The following CCNB3 variants were observed in gnomAD, a reference collection of about 807,000 sequenced individuals.
CCNB3 encodes cyclin B3, also known as G2/mitotic-specific cyclin-B3.
Under a neutral mutation model 68.0 loss-of-function variants are expected in CCNB3, and 12 were observed. The observed-to-expected ratio is 0.18, with a 90% confidence interval of 0.11 to 0.29. The LOEUF (loss-of-function observed/expected upper bound fraction) is 0.29. Among genes scored for constraint, CCNB3 ranks in the 10% least tolerant of loss-of-function variants. The pLI is 1.00. For synonymous variants in CCNB3, 354 were observed against 388.9 expected (o/e 0.91, Z 1.06); for missense variants, 904 against 993.1 (o/e 0.91, Z 1.21).
intron 8 of CCNB3, among the ~76,000 whole-genome samples, chrX:50,329,239 G>C (rs1261879601): frequency 1.8e-5 from 2 of 111,696 alleles, no homozygotes; most frequent in African/African-American, 6.5e-5. Context: ...CTCCAGAGTG[G>C]GGACTCTAGT....
chrX:50,293,625 G>A (rs1936390541), intron 4 of CCNB3, among the ~76,000 whole-genome samples: 1 of 111,181 alleles, frequency 9.0e-6, no homozygotes, highest in African/African-American at 3.3e-5. Context: ...TGAGAACCCT[G>A]GCTCCCAAGA....
At chrX:50,311,609 G>A (rs1411352048) in intron 6 of CCNB3, 113 bp downstream of exon 6, 3 of 572,427 alleles carry the variant, frequency 5.2e-6, no homozygotes, top group East Asian at 7.2e-5. Flanking sequence ...TGTTGTTGTT[G>A]TTTTTTTGCC....
chrX:50,294,934 G>A lies in CCNB3; in HGVS notation c.276G>A (p.Lys92=). The A allele has an allele frequency of 1.7e-6, 2 of 1,209,611 alleles. No homozygotes were observed. The highest frequency in any genetic ancestry group is 2.3e-4 in the Middle Eastern group (1 of 4,346). ...NKEFVKVVSK[K]INRNTHALGL... ...AGTTTGTAAAAGTTGTTTCCAAGAAGATAAACAGGAACACACATGCTCTTG... is the reference window on the plus strand; with the variant it reads ...AGTTTGTAAAAGTTGTTTCCAAGAAAATAAACAGGAACACACATGCTCTTG... Residue 92 remains lysine (K), a synonymous_variant, in exon 5 of 13, where the codon AAG becomes AAA. Transcript: ENST00000376042.
At chrX:50,224,050 TTTG>T (rs1334353778) in intron 1 of CCNB3, among the ~76,000 whole-genome samples, 3 of 111,616 alleles carry the variant, frequency 2.7e-5, no homozygotes, top group Non-Finnish European at 5.6e-5. Flanking sequence ...CATTTGCCAG[TTTG>T]TTGTTAGGTT....
intron 5 of CCNB3, among the ~76,000 whole-genome samples, chrX:50,299,147 A>G (rs1936561283): frequency 9.0e-6 from 1 of 110,852 alleles, no homozygotes. Context: ...TTCTGCTCTG[A>G]TCTTGGTTGT....
intron 1 of CCNB3, among the ~76,000 whole-genome samples, chrX:50,214,755 C>A (rs1935542829): frequency 9.8e-6 from 1 of 101,991 alleles, no homozygotes; most frequent in Non-Finnish European, 2.0e-5. Context: ...ACAGAATGTC[C>A]CTACGTTGCT....
At chrX:50,338,540 G>A (rs910615649) in intron 8 of CCNB3, among the ~76,000 whole-genome samples, 11 of 111,990 alleles carry the variant, frequency 9.8e-5, no homozygotes, top group African/African-American at 3.6e-4. Context: ...TCCATACAAT[G>A]TCTGGTATCT....
At chrX:50,214,184 A>G (rs1935525570) in intron 1 of CCNB3, among the ~76,000 whole-genome samples, 1 of 109,303 alleles carries the variant, frequency 9.1e-6, no homozygotes, top group African/African-American at 3.3e-5. Flanking sequence ...TGATATTGCT[A>G]ATTTGTGTCT....
intron 8 of CCNB3, among the ~76,000 whole-genome samples, chrX:50,341,055 C>T (rs894324648): frequency 6.5e-4 from 73 of 111,691 alleles, no homozygotes; most frequent in Non-Finnish European, 1.1e-3. Flanking sequence ...ATCAGCCAGG[C>T]GTGGTGGCTC....
At position 50,310,079 on chromosome X, in the gene CCNB3, A is replaced by C; in HGVS notation, c.1910A>C (p.Gln637Pro). 1 of 1,210,957 alleles carries C rather than the reference A, an allele frequency of 8.3e-7. No individual in the cohort carries two copies. The change falls in exon 6 of 13, where the codon CAG (glutamine) becomes CCG (proline). Residue 637 changes from glutamine to proline, a missense_variant. Physicochemically the swap from Gln to Pro is moderately conservative, Grantham distance 76. Transcript: ENST00000376042. ...ACAACGGAAGAAAAGTTCCTCTCCC[A>C]GGAACCATCTGCATTGAAAGAGAAG... ...KSTTEEKFLS[Q>P]EPSALKEKHT...
chrX:50,317,321 C>G (rs181447135), intron 8 of CCNB3, among the ~76,000 whole-genome samples: 1 of 111,362 alleles, frequency 9.0e-6, no homozygotes, highest in Admixed American at 9.6e-5. Flanking sequence ...GATACAAATC[C>G]TTTGTTGGAT....
At chrX:50,293,666 C>G (rs1936391168) in intron 4 of CCNB3, among the ~76,000 whole-genome samples, 1 of 111,461 alleles carries the variant, frequency 9.0e-6, no homozygotes, top group Non-Finnish European at 1.9e-5. Flanking sequence ...TACTGTAATA[C>G]AGCTAAAAGA....
chrX:50,220,547 T>C (rs1935651812), intron 1 of CCNB3, among the ~76,000 whole-genome samples: 1 of 112,099 alleles, frequency 8.9e-6, no homozygotes. Flanking sequence ...TGTCATTGGT[T>C]CTGTTTATGT....
chrX:50,295,153 A>G (rs1936429107), intron 5 of CCNB3, among the ~76,000 whole-genome samples, 160 bp downstream of exon 5: 1 of 111,735 alleles, frequency 8.9e-6, no homozygotes, highest in South Asian at 3.8e-4. Context: ...GAGTTAAAAA[A>G]AGCCTCTTCT....
At chrX:50,308,100 A>G (rs141938595) in intron 5 of CCNB3, among the ~76,000 whole-genome samples, 29 of 112,348 alleles carry the variant, frequency 2.6e-4, no homozygotes, top group African/African-American at 9.3e-4. Context: ...TAGCCTTCAA[A>G]CAATGTTAAT....
At chrX:50,228,150 A>T (rs1470969536) in intron 1 of CCNB3, among the ~76,000 whole-genome samples, 1 of 91,420 alleles carries the variant, frequency 1.1e-5, no homozygotes, top group Non-Finnish European at 2.1e-5. Context: ...TATATATATA[A>T]ATATCTACAT....
intron 1 of CCNB3, among the ~76,000 whole-genome samples, chrX:50,223,881 C>T (rs1354565825): frequency 2.7e-5 from 3 of 112,139 alleles, no homozygotes; most frequent in African/African-American, 6.5e-5. Context: ...CCATTTCCCT[C>T]AGGTGCTCTG....
intron 8 of CCNB3, among the ~76,000 whole-genome samples, chrX:50,322,895 C>T (rs1461787674): frequency 4.5e-5 from 5 of 110,307 alleles, no homozygotes; most frequent in South Asian, 3.9e-4. Context: ...GTTAGAATGG[C>T]GATCATTAAA....
At chrX:50,295,088 G>A in intron 5 of CCNB3, 95 bp downstream of exon 5, 1 of 924,762 alleles carries the variant, frequency 1.1e-6, no homozygotes, top group South Asian at 3.0e-5. Flanking sequence ...AAGCCACAAT[G>A]GTGACTACCA....
Sources: gnomAD v4.1 joint callset for allele counts (sites outside exome capture counted in the v4.1 genomes callset) on GRCh38, gnomAD v4.1.1 for gene constraint, MANE v1.5 for transcripts, NCBI Gene and HGNC (gene_info 2026-07-23, HGNC 2026-07-21) for gene names.